TTC13: variants seen among roughly 807,000 people sequenced by gnomAD.
TTC13 encodes the protein tetratricopeptide repeat protein 13.
Under a neutral mutation model 120.0 loss-of-function variants are expected in TTC13, and 62 were observed. The observed-to-expected ratio is 0.52, with a 90% CI of 0.42 to 0.64. TTC13 has a LOEUF of 0.64. Among genes scored for constraint, TTC13 ranks in the 30% least tolerant of loss-of-function variants. The pLI is 0.00. For missense variants in TTC13, 824 were observed against 1,050.2 expected, an observed-to-expected ratio of 0.78 and a Z score of 2.98; for synonymous variants, 384 against 393.5, an observed-to-expected ratio of 0.98 and a Z score of 0.28.
intron 4 of TTC13, among the ~76,000 whole-genome samples, chr1:230,951,921 G>C (rs926233393): frequency 2.0e-5 from 3 of 152,170 alleles, no homozygotes; most frequent in African/African-American, 7.2e-5. Flanking sequence ...TACTTTTACA[G>C]TGTCTCGATG....
chr1:230,962,350 A>C (rs1676723941), intron 1 of TTC13, among the ~76,000 whole-genome samples: 1 of 152,196 alleles, frequency 6.6e-6, no homozygotes, highest in Non-Finnish European at 1.5e-5. Context: ...GTTGCTCAAC[A>C]TCATTACTAA....
At chr1:230,963,333 G>T (rs1481889128) in intron 1 of TTC13, among the ~76,000 whole-genome samples, 2 of 152,106 alleles carry the variant, frequency 1.3e-5, no homozygotes. Context: ...CAAGGCATAA[G>T]CAGGGTTTAA....
Position 230,908,966 on chromosome 1 carries a change from T to C in TTC13, c.2364A>G (p.Val788=). 1 of 1,614,246 alleles carries C rather than the reference T, an allele frequency of 6.2e-7. No individual in the cohort carries two copies. The highest frequency in any genetic ancestry group is 2.2e-5 in the East Asian group (1 of 44,882). The change falls in exon 21 of 23, where the codon GTA becomes GTG. Residue 788 remains valine, a synonymous_variant. Transcript: ENST00000366661. ...VGALMASGKE[V]AGKIPKGKLV... ...CCTTCCCTTTGGGAATTTTTCCTGCTACTTCTTTTCCACTTGCCATCAGTG... is the reference window on the plus strand; with the variant it reads ...CCTTCCCTTTGGGAATTTTTCCTGCCACTTCTTTTCCACTTGCCATCAGTG...
At chr1:230,953,782 G>C (rs1016281124) in intron 4 of TTC13, among the ~76,000 whole-genome samples, 1 of 152,156 alleles carries the variant, frequency 6.6e-6, no homozygotes, top group Non-Finnish European at 1.5e-5. Flanking sequence ...TATACATGCA[G>C]TGCTTAAATG....
chr1:230,946,720 A>G (rs1334597145), intron 4 of TTC13, among the ~76,000 whole-genome samples: 1 of 152,218 alleles, frequency 6.6e-6, no homozygotes, highest in Non-Finnish European at 1.5e-5. Flanking sequence ...GATGAGAGGT[A>G]CAAGTCCATC....
At chr1:230,971,178 T>C (rs1046519841) in intron 1 of TTC13, among the ~76,000 whole-genome samples, 4 of 101,772 alleles carry the variant, frequency 3.9e-5, no homozygotes, top group Non-Finnish European at 8.0e-5. Flanking sequence ...ACCCTGTCTC[T>C]ATTAAAAATA....
chr1:230,960,643 T>C (rs1408248162), intron 2 of TTC13, among the ~76,000 whole-genome samples: 1 of 149,714 alleles, frequency 6.7e-6, no homozygotes, highest in Non-Finnish European at 1.5e-5. Flanking sequence ...TCTATGCAGA[T>C]GTTGAAGGAA....
chr1:230,977,286 G>C (rs1279550518), intron 1 of TTC13, among the ~76,000 whole-genome samples: 1 of 152,188 alleles, frequency 6.6e-6, no homozygotes, highest in Non-Finnish European at 1.5e-5. Flanking sequence ...TTCCCTCACA[G>C]CACCCTCGTG....
intron 12 of TTC13, among the ~76,000 whole-genome samples, chr1:230,927,552 T>C (rs1673150072): frequency 6.6e-6 from 1 of 152,212 alleles, no homozygotes. Context: ...TGGTTGTCTC[T>C]TATTTTTTAA....
intron 22 of TTC13, 27 bp from the exon 23 acceptor site, chr1:230,907,046 G>T: frequency 1.6e-6 from 2 of 1,251,696 alleles, no homozygotes; most frequent in South Asian, 1.6e-5. Flanking sequence ...CAAAGTAGCG[G>T]CATGAAAATT....
At chr1:230,936,926 G>A (rs932291216) in intron 8 of TTC13, among the ~76,000 whole-genome samples, 5 of 152,198 alleles carry the variant, frequency 3.3e-5, no homozygotes, top group Non-Finnish European at 7.3e-5. Flanking sequence ...ACCTCATGGA[G>A]ATGCCGTTGG....
At position 230,944,014 on chromosome 1, in the gene TTC13, A is replaced by T; in HGVS notation, c.580-116T>A. On this transcript the variant is annotated intron_variant, in intron 5 of 22. Transcript: ENST00000366661. The surrounding 1 kb of genome is among the most constrained non-coding windows in gnomAD (Gnocchi z 4.0). ...TGTAACCAATTGTTTAAAAATAAAT[A>T]TGAACTTCACTTCTATGTAAGAGAT... 1.9e-6 allele frequency: 1 copy of T among 529,326 alleles called. No homozygotes were observed. Among genetic ancestry groups the T allele is most frequent in the South Asian group, 3.4e-5 (1 of 29,614 alleles). The allele number at this position is 529,326 out of a possible 1,614,324, so 32.8% of individuals were successfully genotyped here. A position where few individuals can be genotyped will look rare whatever the true frequency, so the allele number is the denominator to read the frequency against.
intron 3 of TTC13, among the ~76,000 whole-genome samples, chr1:230,955,377 A>C (rs1366531064): frequency 6.6e-6 from 1 of 152,140 alleles, no homozygotes; most frequent in African/African-American, 2.4e-5. Flanking sequence ...AAAGCAGTAA[A>C]AATAGGCCAG....
chr1:230,940,394 GA>G lies in TTC13; in HGVS notation c.789+45del. On this transcript the variant is annotated intron_variant, in intron 7 of 22. Transcript: ENST00000366661. This position sits in a 1 kb window ranked among gnomAD's most constrained non-coding sequence, Gnocchi z 4.1. ...CACTTTCTGAGGTCAAGGGAAAAAT[GA>G]AATCTTCATCATCATAAAAATACTT... 7.7e-7 allele frequency: 1 copy of G among 1,295,284 alleles called. No homozygotes were observed. Among genetic ancestry groups the G allele is most frequent in the East Asian group, 2.3e-5 (1 of 42,998 alleles). 80.2% of individuals were successfully genotyped at this position (1,295,284 alleles called of 1,614,324 possible).
intron 16 of TTC13, among the ~76,000 whole-genome samples, chr1:230,920,837 A>G (rs1310334323): frequency 6.6e-6 from 1 of 152,236 alleles, no homozygotes; most frequent in Non-Finnish European, 1.5e-5. Context: ...AGAAGGCAAA[A>G]CAGGAAAAAG....
At chr1:230,920,243 G>A (rs766870523) in intron 17 of TTC13, 1 of 267,594 alleles carries the variant, frequency 3.7e-6, no homozygotes, top group Non-Finnish European at 7.1e-6. Context: ...GGGCAGCTGA[G>A]TACCAGTTAC....
chr1:230,952,971 T>C (rs966374395), intron 4 of TTC13, among the ~76,000 whole-genome samples: 1 of 152,134 alleles, frequency 6.6e-6, no homozygotes, highest in Non-Finnish European at 1.5e-5. Context: ...CATCTGCAAA[T>C]TCCTATTTTC....
rs573707642 is a variant in TTC13, at chr1:230,945,369, C to A, written c.579+20G>T. 6.2e-7 allele frequency: 1 copy of A among 1,610,176 alleles called. No homozygotes were observed. The highest frequency in any genetic ancestry group is 8.5e-7 in the Non-Finnish European group (1 of 1,176,412). On this transcript the variant is annotated intron_variant, in intron 5 of 22. Transcript: ENST00000366661. ...CAGGTCATGTAGGCGCTATGGCAATCGTAACTATTACATACTCACATGTAG... is the reference window on the plus strand; with the variant it reads ...CAGGTCATGTAGGCGCTATGGCAATAGTAACTATTACATACTCACATGTAG...
At position 230,940,547 on chromosome 1, in the gene TTC13, G is replaced by A. The variant is rs1674440778; in HGVS notation, c.682C>T (p.Pro228Ser). Reference protein sequence around the residue: ...VFEQRAEILSPLGRINEAVND... With the variant: ...VFEQRAEILSSLGRINEAVND... ...ACTGCTTCATTAATTCGTCCCAGAG[G>A]GGACAGAATCTAGAAATCCCAAACA... The change falls in exon 7 of 23, where the codon CCT becomes TCT. Residue 228 changes from proline (P) to serine (S), a missense_variant. Physicochemically the swap from Pro to Ser is moderately conservative, Grantham distance 74 (BLOSUM62 -1). Coordinates refer to ENST00000366661, the MANE Select transcript of TTC13 (RefSeq NM_024525.5). The surrounding 1 kb of genome is among the most constrained non-coding windows in gnomAD (Gnocchi z 4.1). 6.2e-7 allele frequency: 1 copy of A among 1,608,018 alleles called. No homozygotes were observed. Among genetic ancestry groups the A allele is most frequent in the Non-Finnish European group, 8.5e-7 (1 of 1,175,608 alleles).
Sources: allele counts gnomAD v4.1 joint callset (sites outside exome capture counted in the v4.1 genomes callset), GRCh38; gene constraint gnomAD v4.1.1; non-coding constraint Gnocchi (gnomAD v3.1); transcripts MANE v1.5; gene names NCBI Gene and HGNC (gene_info 2026-07-23, HGNC 2026-07-21).